ZSWIM5: variants seen among roughly 807,000 people sequenced by gnomAD.
The protein encoded by ZSWIM5 is zinc finger SWIM-type containing 5.
In ZSWIM5, 55 loss-of-function variants were observed where a neutral mutation model predicts 119.6. That is an observed-to-expected ratio of 0.46 (90% CI 0.37 to 0.58). ZSWIM5 has a LOEUF of 0.58. Among genes scored for constraint, ZSWIM5 ranks in the 20% least tolerant of loss-of-function variants. The probability of loss-of-function intolerance (pLI) is 0.00; values close to 1 mark genes in which losing one functional copy is unlikely to be tolerated. For synonymous variants in ZSWIM5, 537 were observed against 606.9 expected, an observed-to-expected ratio of 0.88 and a Z score of 1.69; for missense variants, 1,193 against 1,512.8, an observed-to-expected ratio of 0.79 and a Z score of 3.51.
At chr1:45,108,509 C>T (rs1452201635) in intron 1 of ZSWIM5, among the ~76,000 whole-genome samples, 1 of 151,972 alleles carries the variant, frequency 6.6e-6, no homozygotes, top group Non-Finnish European at 1.5e-5. Flanking sequence ...TTAGTCATAC[C>T]CTTTTCCAGG....
chr1:45,097,252 A>G (rs1645409044), intron 1 of ZSWIM5, among the ~76,000 whole-genome samples: 1 of 152,224 alleles, frequency 6.6e-6, no homozygotes, highest in Admixed American at 6.5e-5. Context: ...CTTGGATTAA[A>G]CAGAAAAGGA....
chr1:45,031,343 A>ATT (rs752455424), intron 11 of ZSWIM5, among the ~76,000 whole-genome samples: 2 of 143,832 alleles, frequency 1.4e-5, no homozygotes, highest in African/African-American at 2.5e-5. Flanking sequence ...TGCTCACGCA[A>ATT]TTTTTTTTTT....
intron 10 of ZSWIM5, among the ~76,000 whole-genome samples, chr1:45,034,694 G>C (rs1039599845): frequency 6.6e-6 from 1 of 152,308 alleles, no homozygotes; most frequent in East Asian, 1.9e-4. Flanking sequence ...GATGTGAAAG[G>C]CCGTTCAAGA....
At chr1:45,200,861 T>C (rs566778272) in intron 1 of ZSWIM5, among the ~76,000 whole-genome samples, 1 of 152,258 alleles carries the variant, frequency 6.6e-6, no homozygotes, top group African/African-American at 2.4e-5. Flanking sequence ...GAAACAAGTA[T>C]GAGAAGCTGT....
At chr1:45,077,944 T>C (rs1160497429) in intron 2 of ZSWIM5, among the ~76,000 whole-genome samples, 1 of 152,248 alleles carries the variant, frequency 6.6e-6, no homozygotes, top group Non-Finnish European at 1.5e-5. Context: ...ATTGCTGTTA[T>C]CCTGTTCTTT....
chr1:45,138,154 T>A (rs2149033101), intron 1 of ZSWIM5, among the ~76,000 whole-genome samples: 1 of 151,162 alleles, frequency 6.6e-6, no homozygotes, highest in Non-Finnish European at 1.5e-5. Flanking sequence ...TATACAAGGA[T>A]TTTTTTTTCA....
At chr1:45,098,266 A>C (rs1172136582) in intron 1 of ZSWIM5, among the ~76,000 whole-genome samples, 1 of 152,180 alleles carries the variant, frequency 6.6e-6, no homozygotes, top group Admixed American at 6.5e-5. Context: ...TCTGGGGTTT[A>C]TCCTTGGCTT....
chr1:45,117,602 A>T (rs1645566150), intron 1 of ZSWIM5, among the ~76,000 whole-genome samples: 1 of 152,102 alleles, frequency 6.6e-6, no homozygotes, highest in Admixed American at 6.5e-5. Context: ...AGCCTGGGAG[A>T]TTGAGGCTGC....
chr1:45,069,978 T>C (rs1645211715), intron 2 of ZSWIM5: 1 of 710,638 alleles, frequency 1.4e-6, no homozygotes, highest in South Asian at 1.5e-5. Context: ...AAATGCAGTC[T>C]AACCCATCAG....
At chr1:45,040,201 A>C (rs925364727) in intron 7 of ZSWIM5, among the ~76,000 whole-genome samples, 191 bp downstream of exon 7, 1 of 152,186 alleles carries the variant, frequency 6.6e-6, no homozygotes, top group Non-Finnish European at 1.5e-5. Context: ...TAACTGCCTT[A>C]TGAGGGAGGC....
chr1:45,127,512 T>C (rs1433243460), intron 1 of ZSWIM5, among the ~76,000 whole-genome samples: 1 of 151,872 alleles, frequency 6.6e-6, no homozygotes. Flanking sequence ...GCTGCCATCA[T>C]AGTTCACTGC....
At chr1:45,094,245 G>A (rs1469166466) in intron 1 of ZSWIM5, among the ~76,000 whole-genome samples, 1 of 151,374 alleles carries the variant, frequency 6.6e-6, no homozygotes, top group African/African-American at 2.4e-5. Context: ...TAGTAGAGTT[G>A]GGGTTTCACC....
chr1:45,129,061 TC>T (rs1326976041), intron 1 of ZSWIM5, among the ~76,000 whole-genome samples: 1 of 152,154 alleles, frequency 6.6e-6, no homozygotes, highest in East Asian at 1.9e-4. Flanking sequence ...TATTGAGTCT[TC>T]CTATCCACGA....
Position 45,205,891 on chromosome 1 carries a change from C to G in ZSWIM5, c.460G>C (p.Gly154Arg). ...GGGGATGCCCCAGCCGCGACGCCCC[C>G]GGGGGCGGAGCCGGCCGGAGCGGCG... Reference protein sequence around the residue: ...GAAAPAGSAPGGVAAGASPGL... With the variant: ...GAAAPAGSAPRGVAAGASPGL... Residue 154 changes from glycine (G) to arginine (R), a missense_variant, in exon 1 of 14, where the codon GGG becomes CGG. This residue lies in a region of ZSWIM5 where 232 missense variants were observed against 222.9 expected (regional missense o/e 1.04). Transcript: ENST00000359600. 7.5e-6 allele frequency: 8 copies of G among 1,073,260 alleles called. No homozygotes were observed. The highest frequency in any genetic ancestry group is 1.3e-4 in the East Asian group (2 of 14,964). The allele number at this position is 1,073,260 out of a possible 1,614,324, so 66.5% of individuals were successfully genotyped here. A position where few individuals can be genotyped will look rare whatever the true frequency, so the allele number is the denominator to read the frequency against.
intron 12 of ZSWIM5, among the ~76,000 whole-genome samples, 197 bp from the exon 13 acceptor site, chr1:45,020,344 A>G (rs928610419): frequency 2.6e-5 from 4 of 152,244 alleles, no homozygotes; most frequent in African/African-American, 4.8e-5. Flanking sequence ...GATCTGCAGC[A>G]AAGTCCTTAT....
chr1:45,136,140 C>T (rs377598579), intron 1 of ZSWIM5, among the ~76,000 whole-genome samples: 2 of 151,952 alleles, frequency 1.3e-5, no homozygotes, highest in African/African-American at 2.4e-5. Context: ...GGATTACAGG[C>T]GTGAGCCACT....
At chr1:45,034,154 G>T (rs372900978) in intron 11 of ZSWIM5, among the ~76,000 whole-genome samples, 158 bp downstream of exon 11, 15 of 152,300 alleles carry the variant, frequency 9.8e-5, no homozygotes, top group African/African-American at 3.4e-4. Flanking sequence ...GCCTGGCCAG[G>T]TGCTCTTTCT....
rs1455888077 is a variant in ZSWIM5 at position 45,091,440 on chromosome 1, T to TGAGGCCAGGAGTTC, written c.596-3217_596-3204dup. 6.0e-5 allele frequency among the ~76,000 whole-genome samples: 9 copies of TGAGGCCAGGAGTTC among 150,808 alleles called. No homozygotes were observed. In the East Asian group the frequency reaches 1.8e-3, roughly 30 times the overall value. Reference sequence around the variant, plus strand: ...GGGGGGCCAAGGCAGGAGGATCACTTGAGGCCAGGAGTTCAAGACCAGCCT... The same window carrying TGAGGCCAGGAGTTC: ...GGGGGGCCAAGGCAGGAGGATCACTTGAGGCCAGGAGTTCGAGGCCAGGAGTTCAAGACCAGCCT... On this transcript the variant is annotated intron_variant, in intron 1 of 13. Transcript: ENST00000359600.
At chr1:45,030,467 G>A (rs1644946317) in intron 11 of ZSWIM5, among the ~76,000 whole-genome samples, 1 of 151,588 alleles carries the variant, frequency 6.6e-6, no homozygotes, top group Admixed American at 6.6e-5. Flanking sequence ...GGCTGGTCTC[G>A]AACTCCTACC....
Sources: gnomAD v4.1 joint callset for allele counts (sites outside exome capture counted in the v4.1 genomes callset) on GRCh38, gnomAD v4.1.1 for gene constraint, gnomAD v4.1.1 regional missense constraint, MANE v1.5 for transcripts, NCBI Gene and HGNC (gene_info 2026-07-23, HGNC 2026-07-21) for gene names.